The following NRXN1 variants were observed in gnomAD, a reference collection of about 807,000 sequenced individuals.
The protein encoded by NRXN1 is neurexin 1.
A neutral mutation model predicts 150.9 loss-of-function variants in NRXN1; 39 were observed. The observed-to-expected ratio is 0.26, with a 90% CI of 0.20 to 0.34. NRXN1 has a LOEUF of 0.34. Ranked by LOEUF, NRXN1 falls within the 10% of genes least tolerant of loss-of-function variation. The pLI, the probability that NRXN1 is intolerant of heterozygous loss-of-function variation, is 1.00. For missense variants in NRXN1, 1,815 were observed against 1,949.9 expected (o/e 0.93, Z 1.30); for synonymous variants, 924 against 757.0 (o/e 1.22, Z -3.62).
intron 5 of NRXN1, among the ~76,000 whole-genome samples, chr2:50,856,070 T>C (rs1675234914): frequency 6.6e-6 from 1 of 151,032 alleles, no homozygotes; most frequent in Non-Finnish European, 1.5e-5. Flanking sequence ...TTTCTAAAAA[T>C]GCATTGCATG....
At chr2:51,017,267 T>G (rs1668826443) in intron 2 of NRXN1, among the ~76,000 whole-genome samples, 1 of 151,540 alleles carries the variant, frequency 6.6e-6, no homozygotes, top group African/African-American at 2.4e-5. Context: ...AAAAAATAAA[T>G]AAATATCAAA....
At chr2:50,073,461 C>T (rs986930819) in intron 19 of NRXN1, among the ~76,000 whole-genome samples, 2 of 152,152 alleles carry the variant, frequency 1.3e-5, no homozygotes, top group African/African-American at 4.8e-5. Context: ...TCATAATTAA[C>T]CTCTAGAATA....
intron 17 of NRXN1, among the ~76,000 whole-genome samples, chr2:50,411,807 C>T (rs867416089): frequency 1.8e-4 from 27 of 152,182 alleles, no homozygotes; most frequent in African/African-American, 5.3e-4. Flanking sequence ...CACCCCGTCC[C>T]GGAGGTGTAC....
At chr2:49,941,511 T>G (rs1671966689) in intron 22 of NRXN1, among the ~76,000 whole-genome samples, 1 of 151,868 alleles carries the variant, frequency 6.6e-6, no homozygotes, top group African/African-American at 2.4e-5. Flanking sequence ...AAGAACTGGA[T>G]CATTCAGCTG....
intron 18 of NRXN1, among the ~76,000 whole-genome samples, chr2:50,225,996 A>T (rs2064339560): frequency 6.6e-6 from 1 of 151,988 alleles, no homozygotes; most frequent in South Asian, 2.1e-4. Flanking sequence ...CATTACACAG[A>T]CCAAAAGGCA....
intron 18 of NRXN1, among the ~76,000 whole-genome samples, chr2:50,134,014 A>C (rs1705981868): frequency 1.3e-5 from 2 of 152,104 alleles, no homozygotes; most frequent in Admixed American, 1.3e-4. Context: ...TGGTTACCTG[A>C]ATGTAACTAA....
chr2:50,880,848 A>C (rs1467315608), intron 5 of NRXN1, among the ~76,000 whole-genome samples: 3 of 151,946 alleles, frequency 2.0e-5, no homozygotes, highest in South Asian at 2.1e-4. Context: ...GGGCTGTACC[A>C]AATGGAACCA....
chr2:50,288,635 A>G (rs2072504704), intron 17 of NRXN1, among the ~76,000 whole-genome samples: 1 of 152,194 alleles, frequency 6.6e-6, no homozygotes, highest in Non-Finnish European at 1.5e-5. Context: ...CTTACATGGT[A>G]GCAGGCAAGA....
At chr2:50,707,150 T>G (rs1221008163) in intron 5 of NRXN1, among the ~76,000 whole-genome samples, 1 of 152,174 alleles carries the variant, frequency 6.6e-6, no homozygotes, top group African/African-American at 2.4e-5. Flanking sequence ...AACTTTGATA[T>G]GTCTTGCTGG....
chr2:50,080,166 C>G (rs1697732799), intron 19 of NRXN1, among the ~76,000 whole-genome samples: 1 of 151,878 alleles, frequency 6.6e-6, no homozygotes, highest in Non-Finnish European at 1.5e-5. Context: ...CAACAGATCA[C>G]AAGAAGAAGG....
chr2:50,671,012 C>G (rs759472456), intron 5 of NRXN1, among the ~76,000 whole-genome samples: 3 of 151,792 alleles, frequency 2.0e-5, no homozygotes, highest in Non-Finnish European at 4.4e-5. Context: ...ATGTAAATAT[C>G]TTTTCTCTTC....
intron 21 of NRXN1, among the ~76,000 whole-genome samples, chr2:50,035,007 T>C (rs1386872666): frequency 2.0e-5 from 3 of 152,110 alleles, no homozygotes; most frequent in African/African-American, 4.8e-5. Flanking sequence ...GTTAAAGTCA[T>C]ATACCTTTCT....
chr2:50,494,826 A>G (rs2091464673), intron 15 of NRXN1, among the ~76,000 whole-genome samples: 1 of 152,100 alleles, frequency 6.6e-6, no homozygotes, highest in Admixed American at 6.5e-5. Flanking sequence ...TGAGGTCAGG[A>G]GTTCAAGAGC....
At position 50,468,995 on chromosome 2, in the gene NRXN1, A is replaced by G. The variant is rs1352301436; in HGVS notation, c.3244+3303T>C. Among the ~76,000 whole-genome samples, 6 of 151,612 alleles carry G rather than the reference A, an allele frequency of 4.0e-5. No homozygotes were observed. The East Asian group carries it at 1.2e-3, about 29-fold the overall frequency. ...CACTCTGATTTTATGTAGAGATATT[A>G]TCTTGACTTTAGTGGGCCTGCTTAT... On this transcript the variant is annotated intron_variant, in intron 16 of 22. Transcript: ENST00000401669.
intron 5 of NRXN1, among the ~76,000 whole-genome samples, chr2:50,780,575 G>A (rs1704230730): frequency 6.6e-6 from 1 of 151,970 alleles, no homozygotes; most frequent in Non-Finnish European, 1.5e-5. Context: ...CAGTTACTGG[G>A]CTCTTCTAAA....
intron 18 of NRXN1, among the ~76,000 whole-genome samples, chr2:50,233,419 T>TA (rs1157185799): frequency 6.6e-5 from 10 of 152,100 alleles, no homozygotes; most frequent in African/African-American, 2.4e-4. Context: ...CCAACATTTT[T>TA]ATTCTGAAAA....
chr2:50,254,304 T>C (rs1188119587), intron 17 of NRXN1, among the ~76,000 whole-genome samples: 1 of 51,948 alleles, frequency 1.9e-5, no homozygotes, highest in African/African-American at 6.9e-5. Context: ...TTATTTTCTC[T>C]TTTTTTTTAT....
rs546983819 is a variant in NRXN1 at position 50,635,464 on chromosome 2, C to T, written c.833-11849G>A. 3.3e-5 allele frequency among the ~76,000 whole-genome samples: 5 copies of T among 152,076 alleles called. No homozygotes were observed. The South Asian group carries it at 6.2e-4, about 19-fold the overall frequency. On this transcript the variant is annotated intron_variant, in intron 5 of 22. Coordinates refer to ENST00000401669, the MANE Select transcript of NRXN1 (RefSeq NM_001330078.2). The stretch of plus-strand genomic sequence containing the variant: ...CTGGGATTACAGGCGTGAGCCACTG[C>T]GCCGAGCCAGATTAAATTCTTCTTG...
At chr2:50,785,896 T>C (rs1403612454) in intron 5 of NRXN1, among the ~76,000 whole-genome samples, 3 of 152,094 alleles carry the variant, frequency 2.0e-5, no homozygotes, top group Non-Finnish European at 4.4e-5. Flanking sequence ...CCTGAATCTA[T>C]TTTCATTCCT....
Sources: allele counts gnomAD v4.1 joint callset (sites outside exome capture counted in the v4.1 genomes callset), GRCh38; gene constraint gnomAD v4.1.1; transcripts MANE v1.5; gene names NCBI Gene and HGNC (gene_info 2026-07-23, HGNC 2026-07-21).